Variants in EFTUD2 observed in about 807,000 individuals in gnomAD.
The protein encoded by EFTUD2 is elongation factor Tu GTP binding domain containing 2.
A neutral mutation model predicts 114.3 loss-of-function variants in EFTUD2; 9 were observed. That is an observed-to-expected ratio of 0.08 (90% confidence interval 0.05 to 0.14). The LOEUF (loss-of-function observed/expected upper bound fraction) is 0.14. Ranked by LOEUF, EFTUD2 falls within the 10% of genes least tolerant of loss-of-function variation. The pLI is 1.00. For synonymous variants in EFTUD2, 449 were observed against 462.3 expected (o/e 0.97, Z 0.37); for missense variants, 765 against 1,241.2 (o/e 0.62, Z 5.76).
At position 44,872,232 on chromosome 17, in the gene EFTUD2, C is replaced by T. The variant is rs1215176371; in HGVS notation, c.994+214G>A. On this transcript the variant is annotated intron_variant, in intron 11 of 27. Coordinates refer to ENST00000426333, the MANE Select transcript of EFTUD2 (RefSeq NM_004247.4). ...AAATGACCTCCTTCTTCTCCCATGT[C>T]CTCCTATTCACTTTTATTTTTCTAT... Among the ~76,000 whole-genome samples the T allele has an allele frequency of 2.6e-5, 4 of 152,174 alleles. No homozygotes were observed. The East Asian group carries it at 7.7e-4, about 29-fold the overall frequency.
At chr17:44,896,454 T>C (rs2051386787) in intron 1 of EFTUD2, among the ~76,000 whole-genome samples, 1 of 152,182 alleles carries the variant, frequency 6.6e-6, no homozygotes, top group Non-Finnish European at 1.5e-5. Flanking sequence ...GAGACCATCC[T>C]GGCTAACACA....
chr17:44,861,435 A>G (rs930576908), intron 16 of EFTUD2, among the ~76,000 whole-genome samples: 51 of 111,738 alleles, frequency 4.6e-4, no homozygotes, highest in African/African-American at 1.7e-3. Flanking sequence ...ACAGAGAGAA[A>G]AAAAAAAAAA....
intron 14 of EFTUD2, chr17:44,864,080 C>T (rs186160076): frequency 2.1e-5 from 5 of 236,272 alleles, no homozygotes; most frequent in East Asian, 1.1e-4. Context: ...ATTGGCTATA[C>T]GCATTTACGT....
At chr17:44,867,459 C>T (rs565988269) in intron 13 of EFTUD2, among the ~76,000 whole-genome samples, 1 of 152,040 alleles carries the variant, frequency 6.6e-6, no homozygotes, top group South Asian at 2.1e-4. Flanking sequence ...GCCACCATGC[C>T]CAGCTAATTT....
intron 1 of EFTUD2, among the ~76,000 whole-genome samples, chr17:44,897,545 T>A (rs918386963): frequency 6.6e-6 from 1 of 152,198 alleles, no homozygotes; most frequent in African/African-American, 2.4e-5. Flanking sequence ...GTCCTCCAGC[T>A]AAGAATGCAT....
intron 13 of EFTUD2, among the ~76,000 whole-genome samples, chr17:44,866,621 C>T (rs9895349): frequency 0.11 from 17,405 of 152,058 alleles, 1,107 homozygotes; most frequent in East Asian, 0.24. Context: ...TCAAGTGATC[C>T]TCCCGCCTTG....
chr17:44,872,151 T>C (rs139829986), intron 11 of EFTUD2, among the ~76,000 whole-genome samples: 479 of 152,336 alleles, frequency 3.1e-3, no homozygotes, highest in Non-Finnish European at 5.3e-3. Context: ...CCTGTGGGCA[T>C]GGATGATTCC....
chr17:44,870,829 C>T (rs963758872), intron 11 of EFTUD2, among the ~76,000 whole-genome samples: 7 of 151,978 alleles, frequency 4.6e-5, no homozygotes, highest in Non-Finnish European at 7.4e-5. Context: ...ACCAGCCTGA[C>T]CAACATGGTG....
intron 11 of EFTUD2, 126 bp from the exon 12 acceptor site, chr17:44,868,476 C>A: frequency 1.2e-6 from 1 of 813,434 alleles, no homozygotes; most frequent in Non-Finnish European, 1.9e-6. Flanking sequence ...CCAGGCAGTT[C>A]CTTCTAACCA....
intron 13 of EFTUD2, among the ~76,000 whole-genome samples, chr17:44,867,521 A>C (rs2050770301): frequency 6.6e-6 from 1 of 151,920 alleles, no homozygotes; most frequent in Non-Finnish European, 1.5e-5. Context: ...GCTGGTCTCA[A>C]GCTCCTGAGC....
Position 44,883,676 on chromosome 17 carries a change from G to C in EFTUD2, c.399C>G (p.Thr133=). 6.2e-7 allele frequency: 1 copy of C among 1,614,138 alleles called. No individual in the cohort carries two copies. The highest frequency in any genetic ancestry group is 8.5e-7 in the Non-Finnish European group (1 of 1,180,004). Residue 133 remains threonine, a synonymous_variant, in exon 5 of 28, where the codon ACC becomes ACG. Coordinates refer to ENST00000426333, the MANE Select transcript of EFTUD2 (RefSeq NM_004247.4). ...MDNSELIRNV[T]LCGHLHHGKT... The stretch of plus-strand genomic sequence containing the variant: ...TGCCATGGTGGAGATGTCCACAAAG[G>C]GTCACATTTCTGATGAGCTCTGAGT...
At chr17:44,866,960 A>G (rs1450936699) in intron 13 of EFTUD2, among the ~76,000 whole-genome samples, 1 of 152,154 alleles carries the variant, frequency 6.6e-6, no homozygotes, top group African/African-American at 2.4e-5. Context: ...TTTAAAAGTT[A>G]GCCAGGCATG....
intron 25 of EFTUD2, 131 bp from the exon 26 acceptor site, chr17:44,852,693 G>T: frequency 8.4e-7 from 1 of 1,187,026 alleles, no homozygotes; most frequent in Non-Finnish European, 1.2e-6. Flanking sequence ...AACCAAGAAT[G>T]TTCTACAAAA....
At chr17:44,895,142 T>C (rs2051354847) in intron 1 of EFTUD2, among the ~76,000 whole-genome samples, 1 of 152,194 alleles carries the variant, frequency 6.6e-6, no homozygotes, top group Non-Finnish European at 1.5e-5. Context: ...AAAAGAAAAA[T>C]ATTTCATGAT....
At position 44,854,995 on chromosome 17, in the gene EFTUD2, G is replaced by A. The variant is rs751168355; in HGVS notation, c.2055C>T (p.Ile685=). The change falls in exon 21 of 28, where the codon ATC becomes ATT. Residue 685 remains isoleucine (I), a synonymous_variant. Coordinates refer to ENST00000426333, the MANE Select transcript of EFTUD2 (RefSeq NM_004247.4). The surrounding 1 kb of genome is among the most constrained non-coding windows in gnomAD (Gnocchi z 4.3). ...TCTCAAGAGGCTCAGCAATCATGGT[G>A]ATCTTGTTCCTGGTCAGAATGGAAA... is the stretch of plus-strand genomic sequence containing the variant. ...FAETPNKKNK[I]TMIAEPLEKG... 6.2e-7 allele frequency: 1 copy of A among 1,614,102 alleles called. No homozygotes were observed. Among genetic ancestry groups the A allele is most frequent in the Admixed American group, 1.7e-5 (1 of 60,020 alleles).
chr17:44,878,693 GA>G (rs35736669), intron 9 of EFTUD2, among the ~76,000 whole-genome samples: 19,420 of 152,156 alleles, frequency 0.13, 1,292 homozygotes, highest in East Asian at 0.24. Context: ...GTGTGTGTCT[GA>G]ACGTGTACAG....
At chr17:44,877,140 G>A (rs967027246) in intron 9 of EFTUD2, among the ~76,000 whole-genome samples, 4 of 152,066 alleles carry the variant, frequency 2.6e-5, no homozygotes, top group African/African-American at 9.7e-5. Context: ...AGGCTGCTGT[G>A]AGGTATAATT....
At position 44,871,930 on chromosome 17, in the gene EFTUD2, C is replaced by T. The variant is rs146397721; in HGVS notation, c.994+516G>A. Among the ~76,000 whole-genome samples, 799 of 152,306 alleles carry T rather than the reference C, an allele frequency of 5.2e-3. 3 individuals carry two copies. Among genetic ancestry groups the T allele is most frequent in the Non-Finnish European group, 9.4e-3 (641 of 68,030 alleles). The stretch of plus-strand genomic sequence containing the variant: ...AGATGAAGAGCCAGGGAGTCTCTCA[C>T]AGTGGGAATCTGGTCTCAAGGATCT... On this transcript the variant is annotated intron_variant, in intron 11 of 27. Coordinates refer to ENST00000426333, the MANE Select transcript of EFTUD2 (RefSeq NM_004247.4).
chr17:44,852,617 G>A (rs73984100), intron 25 of EFTUD2, 55 bp from the exon 26 acceptor site: 2 of 1,593,006 alleles, frequency 1.3e-6, no homozygotes, highest in Non-Finnish European at 1.7e-6. Flanking sequence ...CAAAAGCCAA[G>A]AAGCAATCCA....
Sources: gnomAD v4.1 joint callset for allele counts (sites outside exome capture counted in the v4.1 genomes callset) on GRCh38, gnomAD v4.1.1 for gene constraint, Gnocchi (gnomAD v3.1) non-coding constraint, MANE v1.5 for transcripts, NCBI Gene and HGNC (gene_info 2026-07-23, HGNC 2026-07-21) for gene names.